The following PBX3 variants were observed in gnomAD, a reference collection of about 807,000 sequenced individuals.
The protein encoded by PBX3 is PBX homeobox 3, also known as pre-B-cell leukemia transcription factor 3.
Under a neutral mutation model 48.5 loss-of-function variants are expected in PBX3, and 14 were observed. The observed-to-expected ratio is 0.29, with a 90% confidence interval of 0.19 to 0.45. PBX3 has a LOEUF of 0.45. Among genes scored for constraint, PBX3 ranks in the 20% least tolerant of loss-of-function variants. The pLI is 1.00. For synonymous variants in PBX3, 210 were observed against 200.3 expected (o/e 1.05, Z -0.41); for missense variants, 386 against 546.7 (o/e 0.71, Z 2.93).
chr9:125,883,025 T>A (rs1337409418), intron 2 of PBX3, among the ~76,000 whole-genome samples: 1 of 152,234 alleles, frequency 6.6e-6, no homozygotes, highest in Non-Finnish European at 1.5e-5. Context: ...CATACATTAA[T>A]TTGCTGCAGA....
At chr9:125,854,360 C>A (rs1169743798) in intron 2 of PBX3, among the ~76,000 whole-genome samples, 3 of 151,912 alleles carry the variant, frequency 2.0e-5, no homozygotes, top group African/African-American at 4.8e-5. Flanking sequence ...GTCTTGAACT[C>A]CTGAGCTCAA....
chr9:125,927,939 G>A (rs904099813), intron 3 of PBX3, among the ~76,000 whole-genome samples: 2 of 152,092 alleles, frequency 1.3e-5, no homozygotes, highest in Admixed American at 6.5e-5. Flanking sequence ...CTAGCACTTC[G>A]GGAGGCTGAG....
intron 2 of PBX3, among the ~76,000 whole-genome samples, chr9:125,854,019 C>T (rs151091050): frequency 6.8e-4 from 104 of 152,196 alleles, no homozygotes; most frequent in South Asian, 4.8e-3. Flanking sequence ...TATACAAACA[C>T]GCAAATACAC....
At chr9:125,887,967 A>G (rs1840539866) in intron 2 of PBX3, among the ~76,000 whole-genome samples, 1 of 152,146 alleles carries the variant, frequency 6.6e-6, no homozygotes, top group African/African-American at 2.4e-5. Context: ...CTTAAGTGCA[A>G]ATGTGTGATG....
chr9:125,800,843 T>C (rs1380719362), intron 2 of PBX3, among the ~76,000 whole-genome samples: 1 of 148,224 alleles, frequency 6.7e-6, no homozygotes, highest in Non-Finnish European at 1.5e-5. Flanking sequence ...AACCTCTACC[T>C]CCAGGTTCAA....
chr9:125,899,010 C>T (rs1840841920), intron 2 of PBX3, among the ~76,000 whole-genome samples: 1 of 151,054 alleles, frequency 6.6e-6, no homozygotes, highest in African/African-American at 2.4e-5. Flanking sequence ...ATTTTGACAT[C>T]AGGAGGTGTT....
chr9:125,825,820 C>CT lies in PBX3; in HGVS notation c.274+77203dup, dbSNP rs1838792663. On this transcript the variant is annotated intron_variant, in intron 2 of 8. Transcript: ENST00000373489. ...GTATTGCTAACAAGTGTCCATTTTT[C>CT]TTTTTTACTCTCAATTTTGGCATTT... Among the ~76,000 whole-genome samples the CT allele has an allele frequency of 2.6e-5, 4 of 152,184 alleles. No homozygotes were observed. The South Asian group carries it at 8.3e-4, about 32-fold the overall frequency.
intron 2 of PBX3, among the ~76,000 whole-genome samples, chr9:125,779,833 T>C (rs1307052487): frequency 2.4e-3 from 230 of 97,424 alleles, no homozygotes; most frequent in Middle Eastern, 0.014. Flanking sequence ...CTAGTAGGGG[T>C]GGCCGGGCAG....
chr9:125,751,932 A>C (rs1836385970), intron 2 of PBX3, among the ~76,000 whole-genome samples: 1 of 152,134 alleles, frequency 6.6e-6, no homozygotes, highest in East Asian at 1.9e-4. Context: ...CTTCTTTCCA[A>C]AGCCCTTAAT....
intron 2 of PBX3, among the ~76,000 whole-genome samples, chr9:125,835,383 G>A (rs761246464): frequency 1.6e-4 from 25 of 152,244 alleles, no homozygotes; most frequent in East Asian, 3.9e-4. Flanking sequence ...ACTCTTAACC[G>A]TTATATTCTA....
chr9:125,939,712 T>TA (rs896064604), intron 5 of PBX3, among the ~76,000 whole-genome samples: 1 of 152,210 alleles, frequency 6.6e-6, no homozygotes, highest in African/African-American at 2.4e-5. Flanking sequence ...TATGCTGTGT[T>TA]ATAATCCCAC....
At chr9:125,801,782 TATACAC>T (rs1173779463) in intron 2 of PBX3, among the ~76,000 whole-genome samples, 189 of 104,174 alleles carry the variant, frequency 1.8e-3, no homozygotes, top group Non-Finnish European at 3.2e-3. Context: ...TATGAACATG[TATACAC>T]ATACACACAC....
chr9:125,899,586 CT>C (rs922320786), intron 2 of PBX3, among the ~76,000 whole-genome samples: 5 of 150,360 alleles, frequency 3.3e-5, no homozygotes, highest in African/African-American at 1.2e-4. Context: ...AGTTGATAGT[CT>C]TACAGCATTT....
chr9:125,843,817 A>G (rs1839352467), intron 2 of PBX3: 1 of 455,974 alleles, frequency 2.2e-6, no homozygotes, highest in East Asian at 7.0e-5. Context: ...TGAGAGGTAC[A>G]GAATTACAAG....
At chr9:125,809,027 G>A (rs1404615427) in intron 2 of PBX3, among the ~76,000 whole-genome samples, 1 of 152,006 alleles carries the variant, frequency 6.6e-6, no homozygotes, top group African/African-American at 2.4e-5. Flanking sequence ...AGCACTTACC[G>A]CTGTTCTTGA....
intron 5 of PBX3, among the ~76,000 whole-genome samples, chr9:125,958,813 T>C (rs762631289): frequency 7.9e-5 from 12 of 152,214 alleles, no homozygotes; most frequent in Admixed American, 6.5e-5. Context: ...ATTTTGAATA[T>C]GGATAAGGTT....
intron 2 of PBX3, among the ~76,000 whole-genome samples, chr9:125,877,365 G>A (rs1457724408): frequency 6.6e-6 from 1 of 152,128 alleles, no homozygotes; most frequent in Non-Finnish European, 1.5e-5. Context: ...ATTTGGGTTT[G>A]CAATTTCAGC....
Position 125,967,274 on chromosome 9 carries a change from C to T in PBX3, c.*1351C>T, listed in dbSNP as rs1015162303. The T allele has an allele frequency of 1.3e-5, 2 of 152,600 alleles. No individual in the cohort carries two copies. The highest frequency in any genetic ancestry group is 2.4e-5 in the African/African-American group (1 of 41,432). 9.5% of individuals were successfully genotyped at this position (152,600 alleles called of 1,614,324 possible). A position where few individuals can be genotyped will look rare whatever the true frequency, so the allele number is the denominator to read the frequency against. ...TGATTCTAATGTATTAAAAACGTTT[C>T]GTGTTCCTTTCTAACTGGATTACAC... On this transcript the variant is annotated 3_prime_UTR_variant, in exon 9 of 9. Coordinates refer to ENST00000373489, the MANE Select transcript of PBX3 (RefSeq NM_006195.6).
At chr9:125,898,687 T>C (rs571888664) in intron 2 of PBX3, among the ~76,000 whole-genome samples, 1 of 151,950 alleles carries the variant, frequency 6.6e-6, no homozygotes, top group Non-Finnish European at 1.5e-5. Flanking sequence ...AGATATGAAG[T>C]GAAGATACAG....
Sources: allele counts gnomAD v4.1 joint callset (sites outside exome capture counted in the v4.1 genomes callset), GRCh38; gene constraint gnomAD v4.1.1; transcripts MANE v1.5; gene names NCBI Gene and HGNC (gene_info 2026-07-23, HGNC 2026-07-21).